The following THSD4 variants were observed in gnomAD, a reference collection of about 807,000 sequenced individuals.
The protein encoded by THSD4 is thrombospondin type 1 domain containing 4.
A neutral mutation model predicts 119.0 loss-of-function variants in THSD4; 69 were observed. The ratio of observed to expected loss-of-function variants is 0.58; its 90% CI spans 0.48 to 0.71. The LOEUF (loss-of-function observed/expected upper bound fraction) is 0.71. Ranked by LOEUF, THSD4 falls within the 30% of genes least tolerant of loss-of-function variation. The probability of loss-of-function intolerance (pLI) is 0.00; values close to 1 mark genes in which losing one functional copy is unlikely to be tolerated. For missense variants in THSD4, 1,393 were observed against 1,391.1 expected (o/e 1.00, Z -0.02); for synonymous variants, 524 against 540.4 (o/e 0.97, Z 0.42).
At chr15:71,362,242 GCACTC>G (rs2045901850) in intron 6 of THSD4, among the ~76,000 whole-genome samples, 1 of 152,252 alleles carries the variant, frequency 6.6e-6, no homozygotes, top group Non-Finnish European at 1.5e-5. Context: ...TGGTGCTACT[GCACTC>G]CAGCCTGGTT....
intron 8 of THSD4, among the ~76,000 whole-genome samples, chr15:71,667,052 G>A (rs1458018466): frequency 6.6e-6 from 1 of 152,056 alleles, no homozygotes; most frequent in Non-Finnish European, 1.5e-5. Context: ...TCTCATTTGG[G>A]GTTATACACC....
At chr15:71,768,560 ATTTTTT>A (rs964263863) in intron 16 of THSD4, among the ~76,000 whole-genome samples, 3 of 99,280 alleles carry the variant, frequency 3.0e-5, no homozygotes, top group Admixed American at 1.3e-4. Flanking sequence ...GCAGATCCTG[ATTTTTT>A]TTTTTTTTTT....
At chr15:71,122,566 T>G (rs574163442) in intron 1 of THSD4, among the ~76,000 whole-genome samples, 8 of 152,224 alleles carry the variant, frequency 5.3e-5, no homozygotes, top group Non-Finnish European at 8.8e-5. Context: ...ACTGCTAATA[T>G]TGCTCTGTTT....
intron 7 of THSD4, among the ~76,000 whole-genome samples, chr15:71,475,408 C>G (rs1308283965): frequency 1.3e-5 from 2 of 152,164 alleles, no homozygotes; most frequent in Admixed American, 1.3e-4. Flanking sequence ...GTTTAACATA[C>G]CTCTTCAATG....
At chr15:71,347,726 T>C (rs566000921) in intron 6 of THSD4, among the ~76,000 whole-genome samples, 3 of 152,328 alleles carry the variant, frequency 2.0e-5, no homozygotes, top group Non-Finnish European at 4.4e-5. Flanking sequence ...TTTTTAGTGC[T>C]GAATAGCCGC....
intron 6 of THSD4, among the ~76,000 whole-genome samples, chr15:71,344,064 A>G: frequency 7.9e-6 from 1 of 125,882 alleles, no homozygotes; most frequent in Non-Finnish European, 1.6e-5. Context: ...TTTGAGACAG[A>G]GTCTCGCTCT....
intron 17 of THSD4, among the ~76,000 whole-genome samples, chr15:71,772,679 A>G (rs1057107972): frequency 6.6e-6 from 1 of 152,190 alleles, no homozygotes; most frequent in Non-Finnish European, 1.5e-5. Context: ...TTTTGCACAA[A>G]CCTGATATAT....
intron 7 of THSD4, among the ~76,000 whole-genome samples, chr15:71,554,672 A>G (rs992746494): frequency 2.6e-5 from 4 of 151,688 alleles, no homozygotes; most frequent in South Asian, 2.1e-4. Flanking sequence ...CTAAGATTAC[A>G]GGTGTGAGCC....
At chr15:71,729,306 A>G (rs959541582) in intron 9 of THSD4, 4 of 153,580 alleles carry the variant, frequency 2.6e-5, no homozygotes, top group Admixed American at 1.9e-4. Context: ...AAATTGCTCA[A>G]GAGTTTTAAA....
intron 7 of THSD4, among the ~76,000 whole-genome samples, chr15:71,649,703 C>T (rs1021633228): frequency 2.0e-5 from 3 of 152,168 alleles, no homozygotes; most frequent in African/African-American, 7.2e-5. Flanking sequence ...AATGGTGTTA[C>T]ATAGGTTGTC....
chr15:71,304,242 C>T (rs2140341110), intron 6 of THSD4, among the ~76,000 whole-genome samples: 1 of 152,126 alleles, frequency 6.6e-6, no homozygotes, highest in African/African-American at 2.4e-5. Context: ...TGGCTGTGAC[C>T]AGCTGGGCCT....
At chr15:71,124,893 A>G (rs896354838) in intron 1 of THSD4, among the ~76,000 whole-genome samples, 58 of 152,130 alleles carry the variant, frequency 3.8e-4, no homozygotes, top group African/African-American at 1.4e-3. Context: ...ACATCAAACT[A>G]TTAGCCAGGC....
chr15:71,719,914 G>A (rs1016731178), intron 8 of THSD4, among the ~76,000 whole-genome samples: 1 of 151,898 alleles, frequency 6.6e-6, no homozygotes, highest in Admixed American at 6.6e-5. Flanking sequence ...GCTCGCAAAC[G>A]ATCTGCCTGC....
chr15:71,602,771 T>C (rs879917926), intron 7 of THSD4, among the ~76,000 whole-genome samples: 12 of 152,092 alleles, frequency 7.9e-5, no homozygotes, highest in Admixed American at 2.0e-4. Context: ...GGTTTCTTTT[T>C]TGGGGTGATG....
At chr15:71,422,969 C>A (rs915817931) in intron 7 of THSD4, among the ~76,000 whole-genome samples, 1 of 152,180 alleles carries the variant, frequency 6.6e-6, no homozygotes, top group Non-Finnish European at 1.5e-5. Flanking sequence ...TGGCCACCAC[C>A]TCCACAGGCC....
At chr15:71,587,927 C>T (rs1463659037) in intron 7 of THSD4, among the ~76,000 whole-genome samples, 2 of 151,924 alleles carry the variant, frequency 1.3e-5, no homozygotes, top group Non-Finnish European at 2.9e-5. Context: ...GAAGCTGGGA[C>T]TTTTGACTCA....
At chr15:71,577,027 A>G (rs2140908175) in intron 7 of THSD4, among the ~76,000 whole-genome samples, 1 of 152,062 alleles carries the variant, frequency 6.6e-6, no homozygotes, top group African/African-American at 2.4e-5. Flanking sequence ...GTATTTTTGG[A>G]AAGTACTGGA....
At position 71,558,393 on chromosome 15, in the gene THSD4, A is replaced by C. The variant is rs188862056; in HGVS notation, c.1153-102137A>C. Among the ~76,000 whole-genome samples the C allele has an allele frequency of 2.0e-5, 3 of 152,318 alleles. No individual in the cohort carries two copies. In the East Asian group the frequency reaches 5.8e-4, roughly 29 times the overall value. Reference sequence around the variant, plus strand: ...TTTAGCCTTTAATCTGTTCTAATGTATTAAAGATGGCAATTTTTTCTTGTA... The same window carrying C: ...TTTAGCCTTTAATCTGTTCTAATGTCTTAAAGATGGCAATTTTTTCTTGTA... On this transcript the variant is annotated intron_variant, in intron 7 of 17. Transcript: ENST00000261862.
At chr15:71,319,741 T>A (rs115129833) in intron 6 of THSD4, among the ~76,000 whole-genome samples, 2,784 of 152,286 alleles carry the variant, frequency 0.018, 87 homozygotes, top group African/African-American at 0.064. Context: ...CATGTGTTTT[T>A]CTTTGTTCTG....
Sources: gnomAD v4.1 joint callset for allele counts (sites outside exome capture counted in the v4.1 genomes callset) on GRCh38, gnomAD v4.1.1 for gene constraint, MANE v1.5 for transcripts, NCBI Gene and HGNC (gene_info 2026-07-23, HGNC 2026-07-21) for gene names.